Variants in MAPRE2 observed in about 807,000 individuals in gnomAD.
MAPRE2 encodes microtubule-associated protein RP/EB family member 2.
MAPRE2 carries 13 observed loss-of-function variants against 43.2 expected under a neutral mutation model. The observed-to-expected ratio is 0.30, with a 90% confidence interval of 0.20 to 0.48. The LOEUF (loss-of-function observed/expected upper bound fraction) is 0.48, where lower values mean the gene tolerates loss of function less well. MAPRE2 is among the 20% of genes least tolerant of loss of function. The probability of loss-of-function intolerance (pLI) is 0.99; values close to 1 mark genes in which losing one functional copy is unlikely to be tolerated. For synonymous variants in MAPRE2, 135 were observed against 148.8 expected, an observed-to-expected ratio of 0.91 and a Z score of 0.68; for missense variants, 161 against 400.2, an observed-to-expected ratio of 0.40 and a Z score of 5.10.
chr18:35,008,157 T>A (rs932653687), intron 2 of MAPRE2, among the ~76,000 whole-genome samples: 1 of 152,168 alleles, frequency 6.6e-6, no homozygotes, highest in Admixed American at 6.5e-5. Flanking sequence ...ACACACAACA[T>A]GCTTGTACTT....
intron 4 of MAPRE2, among the ~76,000 whole-genome samples, chr18:35,116,435 C>T (rs552962351): frequency 6.6e-6 from 1 of 152,296 alleles, no homozygotes; most frequent in Admixed American, 6.5e-5. Flanking sequence ...AAAGTCCAGG[C>T]ACAACTTAGC....
chr18:35,011,222 G>A (rs1243439750), intron 2 of MAPRE2, among the ~76,000 whole-genome samples: 2 of 152,160 alleles, frequency 1.3e-5, no homozygotes, highest in African/African-American at 2.4e-5. Flanking sequence ...GCCAGAACTG[G>A]TGTGCAGAGG....
intron 1 of MAPRE2, among the ~76,000 whole-genome samples, chr18:34,985,249 A>T (rs367600328): frequency 6.4e-5 from 3 of 46,868 alleles, no homozygotes; most frequent in East Asian, 7.9e-4. Flanking sequence ...ATAATATAAA[A>T]TATATAATAT....
chr18:35,115,146 C>G (rs1909355455), intron 4 of MAPRE2, among the ~76,000 whole-genome samples: 1 of 152,104 alleles, frequency 6.6e-6, no homozygotes, highest in South Asian at 2.1e-4. Context: ...TCATTGTTCC[C>G]CCATTGCCTG....
chr18:35,102,274 C>A, intron 4 of MAPRE2, 115 bp downstream of exon 4: 2 of 716,682 alleles, frequency 2.8e-6, no homozygotes, highest in Non-Finnish European at 4.4e-6. Context: ...TATTTTAATG[C>A]CTTCGGATGA....
At chr18:35,005,955 GAGAC>G (rs1350171280) in intron 2 of MAPRE2, among the ~76,000 whole-genome samples, 27 of 152,314 alleles carry the variant, frequency 1.8e-4, no homozygotes, top group Middle Eastern at 3.4e-3. Context: ...GGCAGAAAGA[GAGAC>G]AGAGTGAGAG....
chr18:35,005,553 G>T, exon 2 of MAPRE2: 2 of 1,537,378 alleles, frequency 1.3e-6, no homozygotes, highest in Non-Finnish European at 1.8e-6. Context: ...GGATGCTCAA[G>T]GTAAGGTTTA....
At chr18:35,052,158 G>A (rs143166481) in intron 1 of MAPRE2, among the ~76,000 whole-genome samples, 1 of 152,238 alleles carries the variant, frequency 6.6e-6, no homozygotes, top group East Asian at 1.9e-4. Flanking sequence ...TGTCCACCCT[G>A]AAGCCATCAC....
At chr18:35,067,714 G>A (rs183979965) in intron 1 of MAPRE2, among the ~76,000 whole-genome samples, 4 of 152,106 alleles carry the variant, frequency 2.6e-5, no homozygotes, top group Non-Finnish European at 5.9e-5. Context: ...AGAAGAAACC[G>A]CTAGAAAAGC....
chr18:35,073,035 A>T (rs1366643637), intron 2 of MAPRE2, among the ~76,000 whole-genome samples: 4 of 152,142 alleles, frequency 2.6e-5, no homozygotes, highest in Non-Finnish European at 5.9e-5. Context: ...CTATTCTTTT[A>T]TAATTTCCTG....
At chr18:35,134,131 C>CTATAA (rs1044099809) in intron 6 of MAPRE2, among the ~76,000 whole-genome samples, 129 of 152,300 alleles carry the variant, frequency 8.5e-4, no homozygotes, top group African/African-American at 3.0e-3. Flanking sequence ...TTATTAGCTC[C>CTATAA]TATAATTCTC....
Position 35,000,467 on chromosome 18 carries a change from T to C in MAPRE2, c.-69-5025T>C, listed in dbSNP as rs555742987. On this transcript the variant is annotated intron_variant, in intron 1 of 7. Transcript: ENST00000413393. ...TTGTGGCCAGACATGAAAGTAGCAG[T>C]CTTTGCCAGAGGATGGGGGGACTCC... 1.6e-3 allele frequency among the ~76,000 whole-genome samples: 246 copies of C among 152,330 alleles called. 1 individual carries two copies. Among genetic ancestry groups the C allele is most frequent in the Non-Finnish European group, 2.9e-3 (200 of 68,032 alleles).
At chr18:34,980,749 G>A (rs914998940) in intron 1 of MAPRE2, among the ~76,000 whole-genome samples, 2 of 151,866 alleles carry the variant, frequency 1.3e-5, no homozygotes, top group East Asian at 3.8e-4. Flanking sequence ...CACTCTAATG[G>A]GCCAAAACAA....
At chr18:35,028,631 G>A (rs2150591038) in intron 2 of MAPRE2, among the ~76,000 whole-genome samples, 1 of 152,296 alleles carries the variant, frequency 6.6e-6, no homozygotes, top group South Asian at 2.1e-4. Flanking sequence ...GGGTCTGGAG[G>A]ATGGAATAAT....
chr18:35,124,681 C>T (rs1465267586), intron 4 of MAPRE2, among the ~76,000 whole-genome samples: 2 of 152,166 alleles, frequency 1.3e-5, no homozygotes, highest in Non-Finnish European at 2.9e-5. Context: ...TGTTAGACTT[C>T]CTTTATATTA....
At chr18:35,098,976 T>C (rs1160994767) in intron 3 of MAPRE2, among the ~76,000 whole-genome samples, 1 of 152,214 alleles carries the variant, frequency 6.6e-6, no homozygotes, top group East Asian at 1.9e-4. Flanking sequence ...CAGCATTAAG[T>C]ACCCTCATTC....
intron 2 of MAPRE2, among the ~76,000 whole-genome samples, chr18:35,088,507 T>C (rs1337656222): frequency 6.6e-6 from 1 of 152,196 alleles, no homozygotes; most frequent in Non-Finnish European, 1.5e-5. Context: ...ACTGTGATAT[T>C]CTTAGCAGGA....
intron 4 of MAPRE2, among the ~76,000 whole-genome samples, chr18:35,124,704 T>C (rs1480771077): frequency 1.3e-5 from 2 of 152,196 alleles, no homozygotes; most frequent in Non-Finnish European, 2.9e-5. Context: ...ATATGAGGTA[T>C]TGCTTATAAA....
chr18:35,060,611 A>G (rs979838323), intron 1 of MAPRE2, among the ~76,000 whole-genome samples: 2 of 152,184 alleles, frequency 1.3e-5, no homozygotes, highest in African/African-American at 4.8e-5. Flanking sequence ...CATACCCTGG[A>G]TAGGAGCCAA....
Sources: gnomAD v4.1 joint callset for allele counts (sites outside exome capture counted in the v4.1 genomes callset) on GRCh38, gnomAD v4.1.1 for gene constraint, MANE v1.5 for transcripts, NCBI Gene and HGNC (gene_info 2026-07-23, HGNC 2026-07-21) for gene names.